The following TBC1D30 variants were observed in gnomAD, a reference collection of about 807,000 sequenced individuals.
TBC1D30 encodes TBC1 domain family, member 30.
TBC1D30 carries 31 observed loss-of-function variants against 63.2 expected under a neutral mutation model. The observed-to-expected ratio is 0.49, with a 90% CI of 0.37 to 0.66. The LOEUF (loss-of-function observed/expected upper bound fraction) is 0.66. Among genes scored for constraint, TBC1D30 ranks in the 30% least tolerant of loss-of-function variants. TBC1D30 has a pLI of 0.00. For missense variants in TBC1D30, 810 were observed against 953.6 expected (o/e 0.85, Z 1.98); for synonymous variants, 307 against 361.5 (o/e 0.85, Z 1.71).
chr12:64,807,827 C>T (rs1872959051), intron 2 of TBC1D30, among the ~76,000 whole-genome samples: 1 of 151,608 alleles, frequency 6.6e-6, no homozygotes, highest in Non-Finnish European at 1.5e-5. Flanking sequence ...CTCACTGTAA[C>T]CTTGAACTCC....
At chr12:64,864,398 T>C (rs993436106) in intron 8 of TBC1D30, among the ~76,000 whole-genome samples, 4 of 152,160 alleles carry the variant, frequency 2.6e-5, no homozygotes, top group Admixed American at 2.6e-4. Flanking sequence ...CAGGAGGAAA[T>C]CAGACTGCCC....
At chr12:64,841,369 C>T (rs1270871487) in intron 7 of TBC1D30, among the ~76,000 whole-genome samples, 1 of 152,148 alleles carries the variant, frequency 6.6e-6, no homozygotes, top group Non-Finnish European at 1.5e-5. Flanking sequence ...TCTCCTCTGC[C>T]CCTGCTGTTT....
intron 1 of TBC1D30, among the ~76,000 whole-genome samples, chr12:64,762,338 A>C (rs889165795): frequency 1.1e-4 from 16 of 152,226 alleles, no homozygotes; most frequent in African/African-American, 3.4e-4. Flanking sequence ...GAAAGAATGT[A>C]AGATAAATAT....
intron 1 of TBC1D30, among the ~76,000 whole-genome samples, chr12:64,826,660 C>T (rs2136358328): frequency 6.6e-6 from 1 of 152,100 alleles, no homozygotes; most frequent in African/African-American, 2.4e-5. Context: ...CCATGTGGTA[C>T]TTAATATTCC....
In TBC1D30 at chr12:64,865,896, CTG is replaced by C. The variant is rs1878171166; in HGVS notation, c.1152-864_1152-863del. ...AGCTGTAAGAAAGCATAAGGAAGCTCTGTGTATTCTTGTGTACCATGATTGTG... is the reference window on the plus strand; with the variant it reads ...AGCTGTAAGAAAGCATAAGGAAGCTCTGTATTCTTGTGTACCATGATTGTG... On this transcript the variant is annotated intron_variant, in intron 9 of 11. Coordinates refer to ENST00000539867, the MANE Select transcript of TBC1D30 (RefSeq NM_015279.2). Among the ~76,000 whole-genome samples the C allele has an allele frequency of 2.0e-5, 3 of 152,242 alleles. No homozygotes were observed. The South Asian group carries it at 6.2e-4, about 32-fold the overall frequency.
At chr12:64,864,396 A>T (rs1166649630) in intron 8 of TBC1D30, among the ~76,000 whole-genome samples, 2 of 152,212 alleles carry the variant, frequency 1.3e-5, no homozygotes, top group Admixed American at 1.3e-4. Context: ...AACAGGAGGA[A>T]ATCAGACTGC....
upstream of TBC1D30, among the ~76,000 whole-genome samples, chr12:64,824,334 T>C (rs1158018904): frequency 1.3e-5 from 2 of 152,210 alleles, no homozygotes; most frequent in Non-Finnish European, 2.9e-5. Context: ...CTTCTGAGAC[T>C]GCTCGGAAGT....
chr12:64,796,145 T>C (rs1592555240), intron 2 of TBC1D30, among the ~76,000 whole-genome samples: 1 of 149,336 alleles, frequency 6.7e-6, no homozygotes, highest in Non-Finnish European at 1.5e-5. Context: ...AGTTAAGAGT[T>C]TTTTTTTTTT....
intron 1 of TBC1D30, among the ~76,000 whole-genome samples, chr12:64,774,929 C>G (rs571566310): frequency 3.5e-4 from 53 of 151,922 alleles, no homozygotes; most frequent in Non-Finnish European, 2.8e-4. Context: ...CCCGTCTCTA[C>G]TAAAAATACA....
At chr12:64,817,392 T>C (rs1394212018) in intron 2 of TBC1D30, among the ~76,000 whole-genome samples, 2 of 152,204 alleles carry the variant, frequency 1.3e-5, no homozygotes, top group Non-Finnish European at 2.9e-5. Context: ...AGTAACTTGC[T>C]CAAGGACATA....
chr12:64,800,937 CAGCAAGGATATT>C (rs1219918337), intron 2 of TBC1D30, among the ~76,000 whole-genome samples: 6 of 152,160 alleles, frequency 3.9e-5, no homozygotes, highest in Non-Finnish European at 8.8e-5. Flanking sequence ...CTTGGTTTCT[CAGCAAGGATATT>C]AGAGTCATTC....
chr12:64,875,435 G>A lies in TBC1D30; in HGVS notation c.1933G>A (p.Ala645Thr). Residue 645 changes from alanine to threonine, a missense_variant, in exon 12 of 12, where the codon GCT becomes ACT. Around this residue, in one of 4 missense-constraint regions of TBC1D30, gnomAD observed 450 missense variants for 473.0 expected, o/e 0.95. Coordinates refer to ENST00000539867, the MANE Select transcript of TBC1D30 (RefSeq NM_015279.2). ...GQSPEPVFGD[A>T]DVDVSAVQAK... is the part of the protein sequence containing the mutation. ...GTCTCCGGAGCCGGTGTTCGGAGAT[G>A]CTGATGTGGATGTGTCTGCAGTTCA... 6.5e-7 allele frequency: 1 copy of A among 1,536,246 alleles called. No homozygotes were observed. The highest frequency in any genetic ancestry group is 8.7e-7 in the Non-Finnish European group (1 of 1,146,926).
chr12:64,855,046 T>C (rs916771743), intron 8 of TBC1D30, among the ~76,000 whole-genome samples: 2 of 152,238 alleles, frequency 1.3e-5, no homozygotes, highest in African/African-American at 2.4e-5. Flanking sequence ...TCTTCCTTTA[T>C]GCTTAAAGAT....
intron 1 of TBC1D30, among the ~76,000 whole-genome samples, chr12:64,773,893 A>G (rs1870989370): frequency 6.6e-6 from 1 of 152,250 alleles, no homozygotes; most frequent in Non-Finnish European, 1.5e-5. Flanking sequence ...CTTTCCTCCA[A>G]ATGACTGCAT....
chr12:64,840,027 A>AAAAAAAAAAAAAAAAAAAAAAAAAAAC (rs1555171793), intron 7 of TBC1D30, among the ~76,000 whole-genome samples: 15 of 145,880 alleles, frequency 1.0e-4, no homozygotes, highest in African/African-American at 3.9e-4. Flanking sequence ...AAAAAAAAAA[A>AAAAAAAAAAAAAAAAAAAAAAAAAAAC]ATCCACCAAC....
At chr12:64,827,982 C>T in intron 2 of TBC1D30, 86 bp downstream of exon 2, 1 of 913,852 alleles carries the variant, frequency 1.1e-6, no homozygotes, top group South Asian at 1.6e-5. Context: ...ATAACGTATT[C>T]TTTGATATGA....
upstream of TBC1D30, among the ~76,000 whole-genome samples, chr12:64,821,863 C>G (rs982947514): frequency 2.0e-5 from 3 of 152,220 alleles, no homozygotes; most frequent in Admixed American, 6.5e-5. Flanking sequence ...AGCAATTAGT[C>G]ATGACCAGCT....
chr12:64,818,394 A>G (rs1242599254), intron 2 of TBC1D30: 1 of 984,040 alleles, frequency 1.0e-6, no homozygotes, highest in African/African-American at 1.7e-5. Context: ...GACCTTTCAC[A>G]CAATCCTTGT....
intron 2 of TBC1D30, among the ~76,000 whole-genome samples, chr12:64,803,749 A>T (rs941772270): frequency 3.9e-5 from 6 of 152,198 alleles, no homozygotes; most frequent in African/African-American, 1.4e-4. Context: ...CATTTATTAA[A>T]TAGGGAATCC....
Sources: allele counts gnomAD v4.1 joint callset (sites outside exome capture counted in the v4.1 genomes callset), GRCh38; gene constraint gnomAD v4.1.1; regional missense constraint gnomAD v4.1.1; transcripts MANE v1.5; gene names NCBI Gene and HGNC (gene_info 2026-07-23, HGNC 2026-07-21).